MYCBP2: variants seen among roughly 807,000 people sequenced by gnomAD.
MYCBP2 encodes MYC binding protein 2.
MYCBP2 carries 120 observed loss-of-function variants against 525.3 expected under a neutral mutation model. The observed-to-expected ratio is 0.23, with a 90% CI of 0.20 to 0.27. The LOEUF is 0.27. Ranked by LOEUF, MYCBP2 falls within the 10% of genes least tolerant of loss-of-function variation. The probability of loss-of-function intolerance (pLI) is 1.00; values close to 1 mark genes in which losing one functional copy is unlikely to be tolerated. For synonymous variants in MYCBP2, 1,894 were observed against 1,955.8 expected, an observed-to-expected ratio of 0.97 and a Z score of 0.83; for missense variants, 4,149 against 5,657.1, an observed-to-expected ratio of 0.73 and a Z score of 8.55.
chr13:77,078,765 C>T, intron 66 of MYCBP2, 59 bp downstream of exon 66: 1 of 1,380,054 alleles, frequency 7.2e-7, no homozygotes, highest in Non-Finnish European at 1.0e-6. Flanking sequence ...ATAGTGAAGG[C>T]TGAGAAGAAG....
chr13:77,185,079 T>C (rs924644964), intron 32 of MYCBP2, 24 bp downstream of exon 32: 109 of 1,602,628 alleles, frequency 6.8e-5, no homozygotes, highest in Non-Finnish European at 9.1e-5. Flanking sequence ...GATTTTCAAC[T>C]AACATTTTAC....
intron 82 of MYCBP2, among the ~76,000 whole-genome samples, chr13:77,050,533 G>A (rs777331469): frequency 4.6e-5 from 7 of 151,444 alleles, no homozygotes; most frequent in African/African-American, 7.3e-5. Context: ...AATTTCTCCT[G>A]TATTCTGAGT....
chr13:77,139,334 G>C lies in MYCBP2; in HGVS notation c.7521C>G (p.Ile2507Met). 1 of 1,610,738 alleles carries C rather than the reference G, an allele frequency of 6.2e-7. No homozygotes were observed. Among genetic ancestry groups the C allele is most frequent in the South Asian group, 1.1e-5 (1 of 90,526 alleles). The stretch of plus-strand genomic sequence containing the variant: ...TCAGCCACACACCATCATCATTATG[G>C]ATCTATAGAAAAAAGCAACAGAAAC... The part of the protein sequence containing the change: ...VNGTITFIDE[I>M]HNDDGVWLRL... Residue 2507 changes from isoleucine to methionine, a missense_variant and splice_region_variant, in exon 52 of 83, where the codon ATC becomes ATG. Transcript: ENST00000544440.
intron 20 of MYCBP2, 113 bp from the exon 21 acceptor site, chr13:77,218,070 T>C: frequency 1.6e-6 from 1 of 621,626 alleles, no homozygotes. Context: ...CTCATAAGAA[T>C]ATTCAGTAAA....
At position 77,181,829 on chromosome 13, in the gene MYCBP2, T is replaced by A; in HGVS notation, c.4813A>T (p.Ile1605Phe). 6.2e-7 allele frequency: 1 copy of A among 1,614,138 alleles called. No homozygotes were observed. The highest frequency in any genetic ancestry group is 1.1e-5 in the South Asian group (1 of 91,086). The part of the protein sequence containing the change: ...LCHTSVKLTS[I>F]FPIAYDGEVL... The stretch of plus-strand genomic sequence containing the variant: ...TCTCCATCATACGCAATCGGGAAGA[T>A]GGAAGTCAGCTTAACAGACGTGTGA... The change falls in exon 33 of 83, where the codon ATC (isoleucine) becomes TTC (phenylalanine). Residue 1605 changes from isoleucine to phenylalanine, a missense_variant. By Grantham distance (21) the Ile-to-Phe change is conservative. Transcript: ENST00000544440.
At chr13:77,057,190 G>A in intron 78 of MYCBP2, 97 bp from the exon 79 acceptor site, 20 of 783,730 alleles carry the variant, frequency 2.6e-5, no homozygotes, top group South Asian at 1.1e-4. Flanking sequence ...ACTTAAAGCA[G>A]GTAAGAGAAA....
chr13:77,161,187 T>C (rs1259631868), intron 44 of MYCBP2, among the ~76,000 whole-genome samples: 3 of 152,204 alleles, frequency 2.0e-5, no homozygotes, highest in Non-Finnish European at 2.9e-5. Flanking sequence ...TTCTGATATT[T>C]CCATCCTATT....
At chr13:77,199,040 A>C (rs1233206942) in intron 26 of MYCBP2, among the ~76,000 whole-genome samples, 1 of 152,166 alleles carries the variant, frequency 6.6e-6, no homozygotes, top group Non-Finnish European at 1.5e-5. Flanking sequence ...GGGAGGAGGC[A>C]AGATGGCTGA....
At position 77,294,127 on chromosome 13, in the gene MYCBP2, T is replaced by TATATATATATATATAC. The variant is rs1350132831; in HGVS notation, c.378+2471_378+2472insGTATATATATATATAT. Reference sequence around the variant, plus strand: ...GGCTATATATATATATATATATATATATACATATATATATACATATATATA... The same window carrying TATATATATATATATAC: ...GGCTATATATATATATATATATATATATATATATATATATACATACATATATATATACATATATATA... On this transcript the variant is annotated intron_variant, in intron 2 of 82. Transcript: ENST00000544440. Among the ~76,000 whole-genome samples, 149 of 60,842 alleles carry TATATATATATATATAC rather than the reference T, an allele frequency of 2.4e-3. 2 individuals are homozygous for TATATATATATATATAC. The highest frequency in any genetic ancestry group is 0.017 in the Middle Eastern group (2 of 116). 39.9% of individuals were successfully genotyped at this position (60,842 alleles called of 152,430 possible).
At chr13:77,077,627 A>C in intron 66 of MYCBP2, 1 of 412,962 alleles carries the variant, frequency 2.4e-6, no homozygotes, top group Non-Finnish European at 4.2e-6. Context: ...TTTTCAGTAA[A>C]TGGTGGAATT....
At chr13:77,152,167 A>G (rs1160000327) in intron 46 of MYCBP2, among the ~76,000 whole-genome samples, 1 of 152,228 alleles carries the variant, frequency 6.6e-6, no homozygotes, top group African/African-American at 2.4e-5. Flanking sequence ...TTCGCTATTT[A>G]TATAATGTTA....
chr13:77,077,315 T>C lies in MYCBP2; in HGVS notation c.11557A>G (p.Ile3853Val). 3 of 1,614,034 alleles carry C rather than the reference T, an allele frequency of 1.9e-6. No individual in the cohort carries two copies. In the Admixed American group the frequency reaches 5.0e-5, roughly 27 times the overall value. ...LPGGDNHIIK[I>V]ELKGPENTLR... ...GTATTTTCTGGGCCTTTTAATTCAA[T>C]TTTTATGATGTGATTATCCCCTCCT... Residue 3853 changes from isoleucine (I) to valine (V), a missense_variant, in exon 67 of 83, where the codon ATT becomes GTT. Around this residue, in one of 21 missense-constraint regions of MYCBP2, gnomAD observed 509 missense variants for 789.4 expected, o/e 0.64. Coordinates refer to ENST00000544440, the MANE Select transcript of MYCBP2 (RefSeq NM_015057.5).
chr13:77,169,570 A>G (rs376867730), intron 39 of MYCBP2, 44 bp downstream of exon 39: 55 of 1,522,896 alleles, frequency 3.6e-5, no homozygotes, highest in Non-Finnish European at 4.6e-5. Flanking sequence ...TTTAAAAAAG[A>G]TATTTAAAAA....
chr13:77,089,115 G>A (rs2044886260), intron 60 of MYCBP2, 84 bp from the exon 61 acceptor site: 5 of 1,013,062 alleles, frequency 4.9e-6, no homozygotes, highest in Non-Finnish European at 6.9e-6. Flanking sequence ...TTCACTTAAA[G>A]CCTTTGTCAT....
intron 52 of MYCBP2, chr13:77,129,359 T>C: frequency 2.6e-6 from 1 of 386,606 alleles, no homozygotes; most frequent in Admixed American, 4.5e-5. Context: ...ATTATTTTAC[T>C]AAAGAGAAAC....
chr13:77,294,121 T>TAC (rs1356046265), intron 2 of MYCBP2, among the ~76,000 whole-genome samples: 1 of 62,352 alleles, frequency 1.6e-5, no homozygotes, highest in African/African-American at 4.1e-5. Context: ...TATATATATA[T>TAC]ATATATATAC....
At position 77,140,084 on chromosome 13, in the gene MYCBP2, A is replaced by G. The variant is rs755805767; in HGVS notation, c.7481T>C (p.Ile2494Thr). The change falls in exon 51 of 83, where the codon ATA becomes ACA. Residue 2494 changes from isoleucine to threonine, a missense_variant. Physicochemically the swap from Ile to Thr is moderately conservative, Grantham distance 89. Around this residue, in one of 21 missense-constraint regions of MYCBP2, gnomAD observed 692 missense variants for 852.7 expected, o/e 0.81. Coordinates refer to ENST00000544440, the MANE Select transcript of MYCBP2 (RefSeq NM_015057.5). ...HPSLQSEQIG[I>T]VKVNGTITFI... Reference sequence around the variant, plus strand: ...AGTGATAGTTCCATTGACTTTCACTATGCCTATCTGCTCACTCTGAAGGGA... The same window carrying G: ...AGTGATAGTTCCATTGACTTTCACTGTGCCTATCTGCTCACTCTGAAGGGA... 6.2e-6 allele frequency: 10 copies of G among 1,613,134 alleles called. No individual in the cohort carries two copies. The highest frequency in any genetic ancestry group is 6.8e-6 in the Non-Finnish European group (8 of 1,179,732).
intron 17 of MYCBP2, among the ~76,000 whole-genome samples, chr13:77,236,882 A>C (rs897277475): frequency 6.6e-6 from 1 of 152,066 alleles, no homozygotes; most frequent in Non-Finnish European, 1.5e-5. Context: ...AAAATAAATA[A>C]ATAAATAAAT....
At chr13:77,240,672 G>A (rs1178224165) in intron 17 of MYCBP2, among the ~76,000 whole-genome samples, 2 of 152,106 alleles carry the variant, frequency 1.3e-5, no homozygotes, top group East Asian at 1.9e-4. Context: ...GCATAGTGCT[G>A]TGTTAACTGA....
Sources: gnomAD v4.1 joint callset for allele counts (sites outside exome capture counted in the v4.1 genomes callset) on GRCh38, gnomAD v4.1.1 for gene constraint, gnomAD v4.1.1 regional missense constraint, MANE v1.5 for transcripts, NCBI Gene and HGNC (gene_info 2026-07-23, HGNC 2026-07-21) for gene names.